The following KCNAB1 variants were observed in gnomAD, a reference collection of about 807,000 sequenced individuals.
KCNAB1 encodes potassium voltage-gated channel subfamily A regulatory beta subunit 1.
In KCNAB1, 35 loss-of-function variants were observed where a neutral mutation model predicts 64.6. The observed-to-expected ratio is 0.54, with a 90% CI of 0.41 to 0.72. The LOEUF (loss-of-function observed/expected upper bound fraction) is 0.72. Ranked by LOEUF, KCNAB1 falls within the 30% of genes least tolerant of loss-of-function variation. KCNAB1 has a pLI of 0.00. For missense variants in KCNAB1, 401 were observed against 512.9 expected (o/e 0.78, Z 2.11); for synonymous variants, 177 against 183.8 (o/e 0.96, Z 0.30).
chr3:156,362,829 G>A (rs994426938), intron 1 of KCNAB1, among the ~76,000 whole-genome samples: 3 of 152,154 alleles, frequency 2.0e-5, no homozygotes, highest in Non-Finnish European at 4.4e-5. Flanking sequence ...ATTTGAATAA[G>A]TTATCTAAAG....
chr3:156,409,726 A>G (rs938522606), intron 1 of KCNAB1, among the ~76,000 whole-genome samples: 3 of 152,236 alleles, frequency 2.0e-5, no homozygotes, highest in Non-Finnish European at 2.9e-5. Context: ...CTCTAGTTAG[A>G]CACCACTTCA....
intron 2 of KCNAB1, among the ~76,000 whole-genome samples, chr3:156,447,487 A>T (rs1295831794): frequency 6.6e-6 from 1 of 152,212 alleles, no homozygotes; most frequent in Admixed American, 6.5e-5. Flanking sequence ...TAACTGTGGC[A>T]TAATAAATAT....
intron 8 of KCNAB1, among the ~76,000 whole-genome samples, chr3:156,478,612 CAT>C: frequency 6.6e-6 from 1 of 152,122 alleles, no homozygotes; most frequent in Non-Finnish European, 1.5e-5. Flanking sequence ...CCACAATGAG[CAT>C]CGCTAAGATA....
rs1452675460 is a variant in KCNAB1, at chr3:156,397,286, T to C, written c.276-24330T>C. Among the ~76,000 whole-genome samples the C allele has an allele frequency of 2.0e-5, 3 of 152,232 alleles. No individual in the cohort carries two copies. The South Asian group carries it at 6.2e-4, about 32-fold the overall frequency. On this transcript the variant is annotated intron_variant, in intron 1 of 13. Transcript: ENST00000490337. The stretch of plus-strand genomic sequence containing the variant: ...GGAGACAGCAACTTACATGTGTTGC[T>C]TATTGGGAGTAAATGGGGTAATATA...
At chr3:156,305,018 G>A (rs1359615258) in intron 1 of KCNAB1, among the ~76,000 whole-genome samples, 1 of 151,994 alleles carries the variant, frequency 6.6e-6, no homozygotes, top group Non-Finnish European at 1.5e-5. Flanking sequence ...CTCGGTGGAA[G>A]CATGGCATAC....
At chr3:156,174,152 T>C (rs1712194608) in intron 1 of KCNAB1, among the ~76,000 whole-genome samples, 2 of 152,260 alleles carry the variant, frequency 1.3e-5, no homozygotes, top group Non-Finnish European at 2.9e-5. Flanking sequence ...TCTGGTTCTC[T>C]AGAGAACTCT....
chr3:156,487,095 A>T (rs957244468), intron 8 of KCNAB1, among the ~76,000 whole-genome samples: 1 of 152,188 alleles, frequency 6.6e-6, no homozygotes. Context: ...CATGCCAAAA[A>T]AATTTAACTC....
chr3:156,169,374 C>T (rs1711816329), intron 1 of KCNAB1, among the ~76,000 whole-genome samples: 1 of 152,090 alleles, frequency 6.6e-6, no homozygotes, highest in Non-Finnish European at 1.5e-5. Flanking sequence ...TGATTTTAAG[C>T]CTAATTATAT....
At chr3:156,127,053 T>C (rs974875877) in intron 1 of KCNAB1, among the ~76,000 whole-genome samples, 1 of 152,208 alleles carries the variant, frequency 6.6e-6, no homozygotes, top group Non-Finnish European at 1.5e-5. Flanking sequence ...ATAAGACTGC[T>C]ATAAGGATTC....
intron 2 of KCNAB1, among the ~76,000 whole-genome samples, chr3:156,450,933 T>C (rs184493941): frequency 1.4e-3 from 206 of 150,024 alleles, no homozygotes; most frequent in African/African-American, 4.3e-3. Context: ...GATGCACAAG[T>C]TCATTTTCCT....
At position 156,395,544 on chromosome 3, in the gene KCNAB1, C is replaced by A. The variant is rs1233507062; in HGVS notation, c.276-26072C>A. Among the ~76,000 whole-genome samples, 247 of 25,458 alleles carry A rather than the reference C, an allele frequency of 9.7e-3. 5 individuals carry two copies. In the East Asian group the frequency reaches 0.22, roughly 23 times the overall value. 16.7% of individuals were successfully genotyped at this position (25,458 alleles called of 152,430 possible). A position where few individuals can be genotyped will look rare whatever the true frequency, so the allele number is the denominator to read the frequency against. Reference sequence around the variant, plus strand: ...TGGGCGACAGAGCGAGACTCCGTCTCAAAAAAAAAAAAAAAAAAAAAAAAA... The same window carrying A: ...TGGGCGACAGAGCGAGACTCCGTCTAAAAAAAAAAAAAAAAAAAAAAAAAA... On this transcript the variant is annotated intron_variant, in intron 1 of 13. Transcript: ENST00000490337.
intron 1 of KCNAB1, among the ~76,000 whole-genome samples, chr3:156,199,390 G>A (rs978098091): frequency 9.2e-5 from 14 of 152,164 alleles, no homozygotes; most frequent in African/African-American, 3.4e-4. Flanking sequence ...AAGTTCTCCT[G>A]CATAATATCC....
chr3:156,486,425 C>A (rs1715221299), intron 8 of KCNAB1, among the ~76,000 whole-genome samples: 1 of 152,166 alleles, frequency 6.6e-6, no homozygotes, highest in South Asian at 2.1e-4. Flanking sequence ...CCATCCACCC[C>A]AGCATGGGAG....
At position 156,520,476 on chromosome 3, in the gene KCNAB1, G is replaced by C. The variant is rs551805043; in HGVS notation, c.961-3351G>C. 3.9e-5 allele frequency among the ~76,000 whole-genome samples: 6 copies of C among 152,284 alleles called. No individual in the cohort carries two copies. The East Asian group carries it at 1.2e-3, about 29-fold the overall frequency. On this transcript the variant is annotated intron_variant, in intron 11 of 13. Coordinates refer to ENST00000490337, the MANE Select transcript of KCNAB1 (RefSeq NM_172160.3). The stretch of plus-strand genomic sequence containing the variant: ...ACCTGTAGTCCCAAATACTCAGGAG[G>C]CTGAGGTGGGAGGATCACCTGAGCC...
intron 8 of KCNAB1, 98 bp downstream of exon 8, chr3:156,474,918 A>T (rs1280599476): frequency 1.0e-6 from 1 of 965,466 alleles, no homozygotes; most frequent in East Asian, 2.5e-5. Flanking sequence ...CAGACTGATC[A>T]AACTGAATGT....
At chr3:156,171,893 T>G (rs951560089) in intron 1 of KCNAB1, among the ~76,000 whole-genome samples, 10 of 152,240 alleles carry the variant, frequency 6.6e-5, no homozygotes, top group Admixed American at 6.5e-4. Flanking sequence ...CTCTAGTATC[T>G]TTGTAATTAT....
At chr3:156,312,703 C>CAAAAAGAAAAAAA (rs1721994747) in intron 1 of KCNAB1, among the ~76,000 whole-genome samples, 1 of 27,406 alleles carries the variant, frequency 3.6e-5, no homozygotes, top group Admixed American at 6.0e-4. Context: ...AGACTGTCTC[C>CAAAAAGAAAAAAA]AAAAAAAAAA....
intron 1 of KCNAB1, among the ~76,000 whole-genome samples, chr3:156,360,350 GCCTTTCTGTAGCCTT>G (rs1725522602): frequency 6.6e-6 from 1 of 152,082 alleles, no homozygotes; most frequent in South Asian, 2.1e-4. Flanking sequence ...AACCTAGCCT[GCCTTTCTGTAGCCTT>G]CCTCACCTCA....
chr3:156,359,117 A>AT (rs1192633581), intron 1 of KCNAB1, among the ~76,000 whole-genome samples: 1 of 152,180 alleles, frequency 6.6e-6, no homozygotes, highest in Non-Finnish European at 1.5e-5. Context: ...AGGTGTATAT[A>AT]TTACTTGCAG....
Sources: gnomAD v4.1 joint callset for allele counts (sites outside exome capture counted in the v4.1 genomes callset) on GRCh38, gnomAD v4.1.1 for gene constraint, MANE v1.5 for transcripts, NCBI Gene and HGNC (gene_info 2026-07-23, HGNC 2026-07-21) for gene names.